Variants in RGS6 observed in about 807,000 individuals in gnomAD.
The protein encoded by RGS6 is regulator of G protein signaling 6, also known as regulator of G-protein signaling 6.
A neutral mutation model predicts 78.5 loss-of-function variants in RGS6; 30 were observed. That is an observed-to-expected ratio of 0.38 (90% CI 0.29 to 0.52). RGS6 has a LOEUF of 0.52. Among genes scored for constraint, RGS6 ranks in the 20% least tolerant of loss-of-function variants. RGS6 has a pLI of 0.85. For missense variants in RGS6, 495 were observed against 609.7 expected, an observed-to-expected ratio of 0.81 and a Z score of 1.98; for synonymous variants, 206 against 206.0, an observed-to-expected ratio of 1.00 and a Z score of 0.00.
Position 72,200,961 on chromosome 14 carries a change from TAAAA to T in RGS6, c.85-151111_85-151108del, listed in dbSNP as rs10577203. ...TACTTACTCCTGAATGTGCTCTGCT[TAAAA>T]AAAAAAAAAAAAAAAAAAAAAAGAA... is the stretch of plus-strand genomic sequence containing the variant. On this transcript the variant is annotated intron_variant, in intron 2 of 17. Transcript: ENST00000553525. Among the ~76,000 whole-genome samples the T allele has an allele frequency of 3.5e-3, 425 of 121,604 alleles. 3 individuals are homozygous for T. The highest frequency in any genetic ancestry group is 0.014 in the African/African-American group (409 of 29,664). 79.8% of individuals were successfully genotyped at this position (121,604 alleles called of 152,430 possible). A position where few individuals can be genotyped will look rare whatever the true frequency, so the allele number is the denominator to read the frequency against.
chr14:72,220,038 T>A (rs2046489673), intron 2 of RGS6, among the ~76,000 whole-genome samples: 1 of 152,122 alleles, frequency 6.6e-6, no homozygotes, highest in Non-Finnish European at 1.5e-5. Flanking sequence ...TCAGCAAAGT[T>A]TCAGGACACA....
chr14:72,270,014 G>A (rs572258001), intron 2 of RGS6, among the ~76,000 whole-genome samples: 1 of 152,322 alleles, frequency 6.6e-6, no homozygotes, highest in Admixed American at 6.5e-5. Flanking sequence ...CAAAAAGCTA[G>A]AATTTGTAGC....
chr14:72,101,637 G>A (rs1308893779), intron 2 of RGS6, among the ~76,000 whole-genome samples: 1 of 152,158 alleles, frequency 6.6e-6, no homozygotes, highest in Admixed American at 6.5e-5. Context: ...ACACTTTGGA[G>A]AGTGAAGTCA....
intron 2 of RGS6, among the ~76,000 whole-genome samples, chr14:72,133,214 C>A (rs2096365543): frequency 6.6e-6 from 1 of 152,122 alleles, no homozygotes; most frequent in South Asian, 2.1e-4. Context: ...GTTTCAAGAT[C>A]TCTGGTGGTA....
In RGS6 at chr14:72,207,767, T is replaced by C. The variant is rs1003342578; in HGVS notation, c.85-144328T>C. On this transcript the variant is annotated intron_variant, in intron 2 of 17. Transcript: ENST00000553525. ...TCCATCTCTTGTTTTTGCCACCCAA[T>C]AGGCACTCTCCCTTTTCCTGACAAA... is the stretch of plus-strand genomic sequence containing the variant. Among the ~76,000 whole-genome samples the C allele has an allele frequency of 2.6e-5, 4 of 152,216 alleles. No individual in the cohort carries two copies. The East Asian group carries it at 5.8e-4, about 22-fold the overall frequency.
rs533465743 is a variant in RGS6 at position 72,411,247 on chromosome 14, G to T, written c.185-43281G>T. Among the ~76,000 whole-genome samples, 11 of 152,256 alleles carry T rather than the reference G, an allele frequency of 7.2e-5. No homozygotes were observed. The South Asian group carries it at 8.3e-4, about 11-fold the overall frequency. On this transcript the variant is annotated intron_variant, in intron 3 of 17. Transcript: ENST00000553525. ...TGTTTGTATCCTCTTTTATTTCATT[G>T]AGTAGTGGTTTGTAGTTCTCCTTGA...
intron 3 of RGS6, among the ~76,000 whole-genome samples, chr14:72,356,321 C>G (rs1306119323): frequency 6.6e-6 from 1 of 152,186 alleles, no homozygotes. Context: ...CCTGCTCTCT[C>G]TCTCTCCTGC....
chr14:72,177,828 A>G (rs1391611770), intron 2 of RGS6, among the ~76,000 whole-genome samples: 1 of 152,228 alleles, frequency 6.6e-6, no homozygotes, highest in African/African-American at 2.4e-5. Flanking sequence ...TTTACTGAGA[A>G]AAGCCCAGTT....
intron 2 of RGS6, among the ~76,000 whole-genome samples, chr14:72,341,557 G>A (rs2077002402): frequency 6.6e-6 from 1 of 152,212 alleles, no homozygotes; most frequent in Non-Finnish European, 1.5e-5. Context: ...GTTGTGGGTG[G>A]ATGAAGTCCA....
intron 3 of RGS6, among the ~76,000 whole-genome samples, chr14:72,451,037 A>G (rs957544766): frequency 1.3e-5 from 2 of 152,178 alleles, no homozygotes; most frequent in African/African-American, 4.8e-5. Context: ...GGAATACCCA[A>G]TGCCTGTGAG....
intron 3 of RGS6, among the ~76,000 whole-genome samples, chr14:72,367,925 C>T (rs898695197): frequency 6.6e-6 from 1 of 152,172 alleles, no homozygotes; most frequent in Non-Finnish European, 1.5e-5. Context: ...TGAGATTCTT[C>T]ACAGGATATG....
At chr14:72,459,729 T>C in intron 6 of RGS6, 46 bp downstream of exon 6, 1 of 1,593,218 alleles carries the variant, frequency 6.3e-7, no homozygotes, top group East Asian at 2.2e-5. Context: ...ACACTGTGTG[T>C]CACTTCTGGG....
chr14:72,361,956 G>T (rs1302444737), intron 3 of RGS6, among the ~76,000 whole-genome samples: 4 of 152,182 alleles, frequency 2.6e-5, no homozygotes, highest in Non-Finnish European at 5.9e-5. Flanking sequence ...ACGTAAGAGG[G>T]CTGCAGGGAA....
Position 72,535,093 on chromosome 14 carries a change from T to C in RGS6, c.1279-1093T>C, listed in dbSNP as rs140904556. ...AATAATCTTGCCCACTGACAAGTCC[T>C]CTTTTCTAAGGGACCAGGATTTTCC... is the stretch of plus-strand genomic sequence containing the variant. On this transcript the variant is annotated intron_variant, in intron 15 of 17. Coordinates refer to ENST00000553525, the MANE Select transcript of RGS6 (RefSeq NM_001204424.2). Among the ~76,000 whole-genome samples, 1,029 of 152,320 alleles carry C rather than the reference T, an allele frequency of 6.8e-3. 16 individuals carry two copies. Among genetic ancestry groups the C allele is most frequent in the African/African-American group, 0.023 (963 of 41,558 alleles).
intron 2 of RGS6, among the ~76,000 whole-genome samples, chr14:72,229,396 C>T (rs983035432): frequency 6.6e-6 from 1 of 151,946 alleles, no homozygotes; most frequent in African/African-American, 2.4e-5. Context: ...CTCTGGTGGT[C>T]ACTGGATGCC....
chr14:72,052,716 C>T (rs958180474), intron 2 of RGS6, among the ~76,000 whole-genome samples: 1 of 152,044 alleles, frequency 6.6e-6, no homozygotes, highest in African/African-American at 2.4e-5. Flanking sequence ...AAATCTGGTC[C>T]ATCTCTATAC....
At chr14:72,341,608 T>C (rs1489935212) in intron 2 of RGS6, among the ~76,000 whole-genome samples, 1 of 152,152 alleles carries the variant, frequency 6.6e-6, no homozygotes, top group Non-Finnish European at 1.5e-5. Context: ...CAGATAAGTG[T>C]GTCCAGAAGC....
intron 2 of RGS6, among the ~76,000 whole-genome samples, chr14:72,024,886 T>C (rs1160672512): frequency 6.6e-6 from 1 of 152,196 alleles, no homozygotes; most frequent in African/African-American, 2.4e-5. Context: ...AGCAATGTCC[T>C]ATAGAAGGAG....
chr14:72,186,794 T>A (rs35304669), intron 2 of RGS6, among the ~76,000 whole-genome samples: 21,718 of 152,212 alleles, frequency 0.14, 1,677 homozygotes, highest in South Asian at 0.2. Flanking sequence ...CAGATGCTGA[T>A]GCCGAATACA....
Sources: gnomAD v4.1 joint callset for allele counts (sites outside exome capture counted in the v4.1 genomes callset) on GRCh38, gnomAD v4.1.1 for gene constraint, MANE v1.5 for transcripts, NCBI Gene and HGNC (gene_info 2026-07-23, HGNC 2026-07-21) for gene names.